Variants in MYLK4 observed in about 807,000 individuals in gnomAD.
The protein encoded by MYLK4 is myosin light chain kinase family member 4.
Under a neutral mutation model 48.1 loss-of-function variants are expected in MYLK4, and 46 were observed. That is an observed-to-expected ratio of 0.96 (90% confidence interval 0.75 to 1.22). The LOEUF (loss-of-function observed/expected upper bound fraction) is 1.22. Ranked by LOEUF, MYLK4 falls within the 50% of genes most tolerant of loss-of-function variation. The pLI, the probability that MYLK4 is intolerant of heterozygous loss-of-function variation, is 0.00. For synonymous variants in MYLK4, 170 were observed against 180.8 expected, an observed-to-expected ratio of 0.94 and a Z score of 0.48; for missense variants, 451 against 486.1, an observed-to-expected ratio of 0.93 and a Z score of 0.68.
the MYLK4 span, chr6:2,765,448 A>G: frequency 1.4e-6 from 1 of 736,254 alleles, no homozygotes; most frequent in Non-Finnish European, 1.8e-6. Context: ...GGGCGGGCGG[A>G]CGCGGGAGCT....
At chr6:2,694,490 C>G (rs376781781) in intron 2 of MYLK4, among the ~76,000 whole-genome samples, 17 of 938 alleles carry the variant, frequency 0.018, no homozygotes, top group Non-Finnish European at 0.035. Context: ...TGGTAGTGGT[C>G]ATGGTGGTGG....
the MYLK4 span, chr6:2,766,353 A>C: frequency 6.2e-7 from 1 of 1,610,580 alleles, no homozygotes. Context: ...GGGCAGAGCA[A>C]GGCCGTGGGC....
At chr6:2,732,936 G>A (rs769965834) in intron 2 of MYLK4, among the ~76,000 whole-genome samples, 9 of 152,146 alleles carry the variant, frequency 5.9e-5, no homozygotes, top group Admixed American at 6.6e-5. Flanking sequence ...ATTTGTGGAC[G>A]TGCTTAGAGC....
chr6:2,755,695 C>A (rs1764412679), upstream of MYLK4, among the ~76,000 whole-genome samples: 3 of 152,142 alleles, frequency 2.0e-5, no homozygotes, highest in South Asian at 6.2e-4. Flanking sequence ...GGCACCACCA[C>A]ACCAGGCTAA....
In MYLK4 at chr6:2,699,287, C is replaced by CTTTTTTTTTTTTTTTTTTTTTTTTTTTT. The variant is rs56959282; in HGVS notation, c.160-6429_160-6428insAAAAAAAAAAAAAAAAAAAAAAAAAAAA. Reference sequence around the variant, plus strand: ...CATGCTACCACTTTTCTTTTCTTTTCTTTTTTTTTTTTTTTTTTTTTTGAT... The same window carrying CTTTTTTTTTTTTTTTTTTTTTTTTTTTT: ...CATGCTACCACTTTTCTTTTCTTTTCTTTTTTTTTTTTTTTTTTTTTTTTTTTTTTTTTTTTTTTTTTTTTTTTTTGAT... On this transcript the variant is annotated intron_variant, in intron 2 of 12. Transcript: ENST00000274643. 1.4e-3 allele frequency among the ~76,000 whole-genome samples: 109 copies of CTTTTTTTTTTTTTTTTTTTTTTTTTTTT among 77,898 alleles called. 18 individuals carry two copies. The highest frequency in any genetic ancestry group is 2.0e-3 in the East Asian group (4 of 2,032). 51.1% of individuals were successfully genotyped at this position (77,898 alleles called of 152,430 possible). A position where few individuals can be genotyped will look rare whatever the true frequency, so the allele number is the denominator to read the frequency against.
rs9328114 is a variant in MYLK4, at chr6:2,675,037, C to A, written c.1119+10G>T. 2 of 1,606,044 alleles carry A rather than the reference C, an allele frequency of 1.2e-6. No homozygotes were observed. Among genetic ancestry groups the A allele is most frequent in the Non-Finnish European group, 1.7e-6 (2 of 1,172,892 alleles). Reference sequence around the variant, plus strand: ...GGAGAAAAAGAGGAAGAGCAAGAAGCCGTGGTCACCTGGGCATTGAGTCTG... The same window carrying A: ...GGAGAAAAAGAGGAAGAGCAAGAAGACGTGGTCACCTGGGCATTGAGTCTG... On this transcript the variant is annotated intron_variant, in intron 11 of 12. Coordinates refer to ENST00000274643, the MANE Select transcript of MYLK4 (RefSeq NM_001012418.5).
At chr6:2,698,095 G>A (rs902672695) in intron 2 of MYLK4, among the ~76,000 whole-genome samples, 3 of 152,210 alleles carry the variant, frequency 2.0e-5, no homozygotes, top group African/African-American at 7.2e-5. Flanking sequence ...AGTTGCTGCA[G>A]AAAATTGTGT....
At chr6:2,763,010 A>G in the MYLK4 span, among the ~76,000 whole-genome samples, 43 of 152,204 alleles carry the variant, frequency 2.8e-4, no homozygotes, top group African/African-American at 5.8e-4. Flanking sequence ...AAGAAAGCCA[A>G]GCGGGTCTCC....
At chr6:2,697,398 C>G (rs1038070764) in intron 2 of MYLK4, among the ~76,000 whole-genome samples, 5 of 152,334 alleles carry the variant, frequency 3.3e-5, no homozygotes, top group Admixed American at 3.3e-4. Context: ...ATTATTTAAG[C>G]AATTTCAAGT....
At chr6:2,694,473 A>G (rs1045042099) in intron 2 of MYLK4, among the ~76,000 whole-genome samples, 1 of 7,374 alleles carries the variant, frequency 1.4e-4, no homozygotes, top group Non-Finnish European at 2.8e-4. Context: ...GATGATGATG[A>G]TGATGATGGT....
At chr6:2,690,263 C>T (rs1473755839) in intron 3 of MYLK4, among the ~76,000 whole-genome samples, 1 of 152,180 alleles carries the variant, frequency 6.6e-6, no homozygotes, top group East Asian at 1.9e-4. Context: ...TGTGTTCTTC[C>T]CCTGTGCCGA....
At chr6:2,676,666 G>A (rs893540220) in intron 10 of MYLK4, among the ~76,000 whole-genome samples, 8 of 152,192 alleles carry the variant, frequency 5.3e-5, no homozygotes, top group Non-Finnish European at 1.2e-4. Context: ...GCCCAAATGG[G>A]CATCTGATGC....
intron 2 of MYLK4, among the ~76,000 whole-genome samples, chr6:2,726,370 G>A (rs534585230): frequency 1.2e-3 from 179 of 152,288 alleles, no homozygotes; most frequent in Non-Finnish European, 2.3e-3. Context: ...AGCTTTAAGG[G>A]TTTCTGGACT....
rs562325761 is a variant in MYLK4 at position 2,683,580 on chromosome 6, C to T, written c.546-418G>A. Among the ~76,000 whole-genome samples, 6 of 152,114 alleles carry T rather than the reference C, an allele frequency of 3.9e-5. No individual in the cohort carries two copies. The East Asian group carries it at 9.7e-4, about 25-fold the overall frequency. ...GATTAGAGGCATGCGCCACCATGCC[C>T]GGCTAATTTTTGTATTTTTAGTAGA... On this transcript the variant is annotated intron_variant, in intron 6 of 12. Transcript: ENST00000274643.
At position 2,685,381 on chromosome 6, in the gene MYLK4, C is replaced by T. The variant is rs138344110; in HGVS notation, c.460G>A (p.Val154Ile). 1.7e-5 allele frequency: 28 copies of T among 1,603,904 alleles called. No homozygotes were observed. Among genetic ancestry groups the T allele is most frequent in the South Asian group, 1.5e-4 (14 of 90,796 alleles). Reference protein sequence around the residue: ...DKEEVKNEISVMNQLDHANLI... With the variant: ...DKEEVKNEISIMNQLDHANLI... ...TTCGCGTGGTCCAGCTGGTTCATGA[C>T]GCTGATCTCGTTCTTCACCTCCTCC... Residue 154 changes from valine (V) to isoleucine (I), a missense_variant, in exon 6 of 13, where the codon GTC becomes ATC. Transcript: ENST00000274643. This position sits in a 1 kb window ranked among gnomAD's most constrained non-coding sequence, Gnocchi z 4.5.
At chr6:2,768,391 C>G in the MYLK4 span, among the ~76,000 whole-genome samples, 1 of 152,172 alleles carries the variant, frequency 6.6e-6, no homozygotes, top group Non-Finnish European at 1.5e-5. Context: ...CCGTTCTTTA[C>G]TGGGATTCCA....
At chr6:2,687,509 GCTT>G (rs1486911769) in intron 4 of MYLK4, among the ~76,000 whole-genome samples, 1 of 152,204 alleles carries the variant, frequency 6.6e-6, no homozygotes, top group Non-Finnish European at 1.5e-5. Context: ...TTCTTTCAAA[GCTT>G]CTTCTGCAAA....
the MYLK4 span, among the ~76,000 whole-genome samples, chr6:2,756,726 A>C: frequency 6.6e-6 from 1 of 152,218 alleles, no homozygotes; most frequent in African/African-American, 2.4e-5. Context: ...AAAACACAAA[A>C]TAAAATGCTT....
At chr6:2,765,931 C>T in the MYLK4 span, 3 of 1,450,028 alleles carry the variant, frequency 2.1e-6, no homozygotes, top group Non-Finnish European at 2.7e-6. Flanking sequence ...ACGACGGCGG[C>T]GAGACCGAGA....
Sources: allele counts gnomAD v4.1 joint callset (sites outside exome capture counted in the v4.1 genomes callset), GRCh38; gene constraint gnomAD v4.1.1; non-coding constraint Gnocchi (gnomAD v3.1); transcripts MANE v1.5; gene names NCBI Gene and HGNC (gene_info 2026-07-23, HGNC 2026-07-21).